CERKL: variants seen among roughly 807,000 people sequenced by gnomAD.
The protein encoded by CERKL is ceramide kinase-like protein.
A neutral mutation model predicts 63.4 loss-of-function variants in CERKL; 61 were observed. The ratio of observed to expected loss-of-function variants is 0.96; its 90% CI spans 0.78 to 1.19. The LOEUF is 1.19. Ranked by LOEUF, CERKL falls within the 50% of genes most tolerant of loss-of-function variation. The pLI is 0.00. For missense variants in CERKL, 675 were observed against 655.5 expected (o/e 1.03, Z -0.33); for synonymous variants, 250 against 230.5 (o/e 1.08, Z -0.77).
intron 10 of CERKL, among the ~76,000 whole-genome samples, chr2:181,546,413 A>C (rs920601035): frequency 2.0e-5 from 3 of 152,178 alleles, no homozygotes; most frequent in African/African-American, 7.2e-5. Flanking sequence ...TACATTATGA[A>C]AGCACACAGC....
intron 4 of CERKL, among the ~76,000 whole-genome samples, chr2:181,564,189 C>T (rs1037934173): frequency 3.3e-5 from 5 of 152,090 alleles, no homozygotes; most frequent in African/African-American, 1.2e-4. Context: ...CGGAAATGAT[C>T]CCTCTCCTGC....
At chr2:181,615,220 T>C (rs113263967) in intron 1 of CERKL, among the ~76,000 whole-genome samples, 450 of 152,324 alleles carry the variant, frequency 3.0e-3, no homozygotes, top group African/African-American at 1.0e-2. Context: ...GGAATAAAGA[T>C]AACCTCTCCT....
intron 1 of CERKL, among the ~76,000 whole-genome samples, chr2:181,613,114 T>C (rs6724430): frequency 0.3 from 38,580 of 128,734 alleles, 6,443 homozygotes; most frequent in Non-Finnish European, 0.45. Context: ...CCAGAACTTA[T>C]TCATTCTGTC....
intron 1 of CERKL, among the ~76,000 whole-genome samples, chr2:181,629,582 T>C (rs1211285043): frequency 6.6e-6 from 1 of 151,080 alleles, no homozygotes; most frequent in African/African-American, 2.4e-5. Context: ...ATGTAATAAA[T>C]GGGGGGGTGG....
intron 5 of CERKL, among the ~76,000 whole-genome samples, chr2:181,554,561 C>G (rs1688126381): frequency 6.6e-6 from 1 of 151,960 alleles, no homozygotes; most frequent in South Asian, 2.1e-4. Context: ...TCTCCATTCC[C>G]CCTCCCCCTT....
intron 1 of CERKL, among the ~76,000 whole-genome samples, chr2:181,607,850 C>T (rs1000593001): frequency 2.2e-4 from 34 of 152,204 alleles, no homozygotes; most frequent in Non-Finnish European, 5.9e-5. Flanking sequence ...GGGGGTGTTA[C>T]TGGGTGTCCG....
At chr2:181,654,633 T>A (rs992625877) in intron 1 of CERKL, among the ~76,000 whole-genome samples, 6 of 152,186 alleles carry the variant, frequency 3.9e-5, no homozygotes, top group Non-Finnish European at 8.8e-5. Context: ...CCATATCATG[T>A]CCTCCCAAGT....
Position 181,563,351 on chromosome 2 carries a change from C to T in CERKL, c.677+2707G>A, listed in dbSNP as rs190523916. Among the ~76,000 whole-genome samples the T allele has an allele frequency of 2.5e-4, 38 of 152,194 alleles. No homozygotes were observed. In the East Asian group the frequency reaches 6.2e-3, roughly 25 times the overall value. On this transcript the variant is annotated intron_variant, in intron 4 of 12. Transcript: ENST00000410087. The stretch of plus-strand genomic sequence containing the variant: ...AATTCATTAAAAAAAATAAATACAA[C>T]TCCAAAATCTTAGGAAATAGCATTT...
At chr2:181,585,447 A>G (rs766026654) in intron 2 of CERKL, among the ~76,000 whole-genome samples, 1 of 152,226 alleles carries the variant, frequency 6.6e-6, no homozygotes, top group Non-Finnish European at 1.5e-5. Context: ...TTGGTATTTT[A>G]TAAAGGAAGT....
At chr2:181,618,563 G>A (rs926122279) in intron 1 of CERKL, among the ~76,000 whole-genome samples, 8 of 151,460 alleles carry the variant, frequency 5.3e-5, no homozygotes, top group Non-Finnish European at 1.2e-4. Flanking sequence ...GATTACAGGC[G>A]CCCACCACCA....
At chr2:181,629,720 G>A (rs547408227) in intron 1 of CERKL, among the ~76,000 whole-genome samples, 1 of 151,584 alleles carries the variant, frequency 6.6e-6, no homozygotes, top group South Asian at 2.1e-4. Flanking sequence ...ATATTCAGAT[G>A]TATTTCACTA....
chr2:181,627,781 C>T (rs1686777772), intron 1 of CERKL, among the ~76,000 whole-genome samples: 1 of 152,144 alleles, frequency 6.6e-6, no homozygotes, highest in South Asian at 2.1e-4. Flanking sequence ...ACACTGCATA[C>T]ATCACTGTCC....
intron 2 of CERKL, among the ~76,000 whole-genome samples, chr2:181,599,543 A>AAACAAAACAAAACAC (rs1685371354): frequency 1.3e-5 from 2 of 151,284 alleles, no homozygotes; most frequent in South Asian, 4.2e-4. Flanking sequence ...TCTCAAAACA[A>AAACAAAACAAAACAC]AACAAAACAA....
rs2105894058 is a variant in CERKL, at chr2:181,603,928, T to C, written c.390A>G (p.Gln130=). ...ITLFICLKKE[Q]NKLKNSTLDL... ...CAAGTGTAGAATTCTTTAGTTTATT[T>C]TGTTCCTTTTTCAAGCAGATGAAGA... Residue 130 remains glutamine, a synonymous_variant, in exon 2 of 13, where the codon CAA becomes CAG. Coordinates refer to ENST00000410087, the MANE Select transcript of CERKL (RefSeq NM_201548.5). 3 of 1,613,356 alleles carry C rather than the reference T, an allele frequency of 1.9e-6. No individual in the cohort carries two copies. In the East Asian group the frequency reaches 6.7e-5, roughly 36 times the overall value.
At chr2:181,546,862 A>C (rs1687745857) in intron 10 of CERKL, among the ~76,000 whole-genome samples, 1 of 152,180 alleles carries the variant, frequency 6.6e-6, no homozygotes, top group African/African-American at 2.4e-5. Flanking sequence ...CTTTTGACTA[A>C]AAGTATCTGA....
At position 181,656,759 on chromosome 2, in the gene CERKL, G is replaced by C. The variant is rs770153403; in HGVS notation, c.238+10C>G. 4.4e-6 allele frequency: 7 copies of C among 1,584,542 alleles called. No homozygotes were observed. The Admixed American group carries it at 1.2e-4, about 27-fold the overall frequency. ...GAGGGAGGCGAAGACGCTTGGGGCC[G>C]GGCACTCACCCGCCGGGCGCTCGGG... On this transcript the variant is annotated intron_variant, in intron 1 of 12. Coordinates refer to ENST00000410087, the MANE Select transcript of CERKL (RefSeq NM_201548.5).
At chr2:181,564,479 TAAC>T (rs985493324) in intron 4 of CERKL, among the ~76,000 whole-genome samples, 3 of 152,090 alleles carry the variant, frequency 2.0e-5, no homozygotes, top group East Asian at 3.9e-4. Flanking sequence ...CACTGAAAAA[TAAC>T]AACACCTGCC....
intron 2 of CERKL, among the ~76,000 whole-genome samples, chr2:181,587,297 T>A (rs1004997176): frequency 6.6e-6 from 1 of 152,188 alleles, no homozygotes; most frequent in Non-Finnish European, 1.5e-5. Flanking sequence ...ATATCTCTGT[T>A]TCTAATAGCT....
chr2:181,551,290 C>G (rs1244573545), intron 5 of CERKL, among the ~76,000 whole-genome samples: 1 of 152,038 alleles, frequency 6.6e-6, no homozygotes, highest in East Asian at 1.9e-4. Flanking sequence ...AAATCAGTAG[C>G]ATTTCTGTAC....
Sources: allele counts gnomAD v4.1 joint callset (sites outside exome capture counted in the v4.1 genomes callset), GRCh38; gene constraint gnomAD v4.1.1; transcripts MANE v1.5; gene names NCBI Gene and HGNC (gene_info 2026-07-23, HGNC 2026-07-21).